MIA3: variants seen among roughly 807,000 people sequenced by gnomAD.
MIA3 encodes transport and Golgi organization protein 1 homolog.
In MIA3, 90 loss-of-function variants were observed where a neutral mutation model predicts 192.4. The observed-to-expected ratio is 0.47, with a 90% CI of 0.39 to 0.56. The LOEUF is 0.56. MIA3 is among the 20% of genes least tolerant of loss of function. The pLI is 0.00. For missense variants in MIA3, 2,123 were observed against 2,269.4 expected (o/e 0.94, Z 1.31); for synonymous variants, 740 against 792.8 (o/e 0.93, Z 1.12).
chr1:222,621,337 C>T, intron 2 of MIA3, 45 bp downstream of exon 2: 5 of 1,568,746 alleles, frequency 3.2e-6, no homozygotes, highest in South Asian at 1.2e-5. Context: ...TTTTTATTGG[C>T]TTCTTTAGCA....
rs142663900 is a variant in MIA3 at position 222,638,527 on chromosome 1, A to AACACAC, written c.3477+5296_3477+5301dup. On this transcript the variant is annotated intron_variant, in intron 6 of 27. Coordinates refer to ENST00000344922, the MANE Select transcript of MIA3 (RefSeq NM_198551.4). ...ACATGGTGAAATCCTGTTTCTACAA[A>AACACAC]ACACACACACACACACACACACAGC... Among the ~76,000 whole-genome samples the AACACAC allele has an allele frequency of 1.6e-3, 231 of 148,912 alleles. 1 individual carries two copies. The highest frequency in any genetic ancestry group is 4.4e-3 in the African/African-American group (177 of 40,670).
In MIA3 at chr1:222,627,725, C is replaced by G; in HGVS notation, c.505C>G (p.Pro169Ala). The change falls in exon 4 of 28, where the codon CCT becomes GCT. Residue 169 changes from proline to alanine, a missense_variant. Physicochemically the swap from Pro to Ala is conservative, Grantham distance 27 (BLOSUM62 -1). Around this residue, in one of 3 missense-constraint regions of MIA3, gnomAD observed 1,357 missense variants for 1,396.1 expected, o/e 0.97. Coordinates refer to ENST00000344922, the MANE Select transcript of MIA3 (RefSeq NM_198551.4). ...EKTLQDMEKN[P>A]ELSKEREPEP... is the part of the protein sequence containing the mutation. The stretch of plus-strand genomic sequence containing the variant: ...AACTTTACAGGATATGGAAAAAAAC[C>G]CTGAATTATCTAAGGAAAGGGAACC... 1 of 1,613,140 alleles carries G rather than the reference C, an allele frequency of 6.2e-7. No homozygotes were observed. The highest frequency in any genetic ancestry group is 1.1e-5 in the South Asian group (1 of 90,830).
In MIA3 at chr1:222,666,121, C is replaced by T. The variant is rs1664272851; in HGVS notation, c.*502C>T. The T allele has an allele frequency of 1.3e-5, 2 of 152,162 alleles. No individual in the cohort carries two copies. The highest frequency in any genetic ancestry group is 3.9e-4 in the East Asian group (2 of 5,190). 9.4% of individuals were successfully genotyped at this position (152,162 alleles called of 1,614,324 possible). A position where few individuals can be genotyped will look rare whatever the true frequency, so the allele number is the denominator to read the frequency against. ...TTGCTGAAGTTCTTTGTAGTAATAG[C>T]TCATAAAAATTTGTTTATTAATATT... On this transcript the variant is annotated 3_prime_UTR_variant, in exon 28 of 28. Coordinates refer to ENST00000344922, the MANE Select transcript of MIA3 (RefSeq NM_198551.4).
chr1:222,629,751 T>G lies in MIA3; in HGVS notation c.2531T>G (p.Val844Gly). The part of the protein sequence containing the change: ...IKIQTPELGE[V>G]FQNKDSDYLK... Reference sequence around the variant, plus strand: ...ATTCAGACTCCAGAATTAGGTGAAGTGTTTCAGAATAAAGATTCTGATTAT... The same window carrying G: ...ATTCAGACTCCAGAATTAGGTGAAGGGTTTCAGAATAAAGATTCTGATTAT... Residue 844 changes from valine (V) to glycine (G), a missense_variant, in exon 4 of 28, where the codon GTG becomes GGG. Physicochemically the swap from Val to Gly is moderately radical, Grantham distance 109 (BLOSUM62 -3). Around this residue, in one of 3 missense-constraint regions of MIA3, gnomAD observed 1,357 missense variants for 1,396.1 expected, o/e 0.97. Coordinates refer to ENST00000344922, the MANE Select transcript of MIA3 (RefSeq NM_198551.4). 6.2e-7 allele frequency: 1 copy of G among 1,614,162 alleles called. No individual in the cohort carries two copies. Among genetic ancestry groups the G allele is most frequent in the African/African-American group, 1.3e-5 (1 of 75,026 alleles).
At position 222,628,474 on chromosome 1, in the gene MIA3, A is replaced by C. The variant is rs1662227149; in HGVS notation, c.1254A>C (p.Ala418=). The part of the protein sequence containing the change: ...SEEEKEDDDD[A]LVPDSKQGKP... ...AAGAAAAAGAAGATGATGATGATGC[A>C]TTAGTCCCAGATAGCAAACAGGGGA... The change falls in exon 4 of 28, where the codon GCA becomes GCC. Residue 418 remains alanine, a synonymous_variant. Coordinates refer to ENST00000344922, the MANE Select transcript of MIA3 (RefSeq NM_198551.4). The C allele has an allele frequency of 6.2e-7, 1 of 1,613,250 alleles. No individual in the cohort carries two copies. Among genetic ancestry groups the C allele is most frequent in the Non-Finnish European group, 8.5e-7 (1 of 1,179,784 alleles).
At chr1:222,623,998 C>T (rs1661994925) in intron 2 of MIA3, among the ~76,000 whole-genome samples, 1 of 152,196 alleles carries the variant, frequency 6.6e-6, no homozygotes, top group South Asian at 2.1e-4. Context: ...AAATACAGTT[C>T]ATCCTTGGGC....
rs757827693 is a variant in MIA3, at chr1:222,630,116, A to G, written c.2896A>G (p.Ser966Gly). 13 of 1,614,202 alleles carry G rather than the reference A, an allele frequency of 8.1e-6. No individual in the cohort carries two copies. The highest frequency in any genetic ancestry group is 1.1e-5 in the Non-Finnish European group (13 of 1,180,030). Residue 966 changes from serine (S) to glycine (G), a missense_variant, in exon 4 of 28, where the codon AGC becomes GGC. By Grantham distance (56) the Ser-to-Gly change is moderately conservative. Coordinates refer to ENST00000344922, the MANE Select transcript of MIA3 (RefSeq NM_198551.4). Reference protein sequence around the residue: ...SSKLKSAQQESLPYNMEKVLD... With the variant: ...SSKLKSAQQEGLPYNMEKVLD... ...AAAACTGAAGTCAGCGCAGCAGGAG[A>G]GCCTGCCCTATAATATGGAAAAAGT...
At chr1:222,618,580 G>T (rs1198079199) in intron 1 of MIA3, among the ~76,000 whole-genome samples, 1 of 152,116 alleles carries the variant, frequency 6.6e-6, no homozygotes, top group East Asian at 1.9e-4. Flanking sequence ...GGCTCACAGC[G>T]TCCCCTTCCC....
chr1:222,660,678 G>T, intron 24 of MIA3: 1 of 179,618 alleles, frequency 5.6e-6, no homozygotes, highest in Admixed American at 6.0e-5. Flanking sequence ...AATATTTTGG[G>T]AAATTTTTTG....
At chr1:222,639,993 T>C (rs1662782757) in intron 6 of MIA3, among the ~76,000 whole-genome samples, 1 of 152,124 alleles carries the variant, frequency 6.6e-6, no homozygotes, top group Non-Finnish European at 1.5e-5. Flanking sequence ...AAATCTAGTT[T>C]AGTAAGGTTG....
At chr1:222,643,268 T>A (rs1356773377) in intron 6 of MIA3, among the ~76,000 whole-genome samples, 1 of 152,248 alleles carries the variant, frequency 6.6e-6, no homozygotes, top group East Asian at 1.9e-4. Context: ...TATCTAGATA[T>A]GTAATACCAC....
rs1242490454 is a variant in MIA3 at position 222,628,367 on chromosome 1, T to TG, written c.1153dup (p.Asp385GlyfsTer11). 1 of 1,613,828 alleles carries TG rather than the reference T, an allele frequency of 6.2e-7. No homozygotes were observed. Among genetic ancestry groups the TG allele is most frequent in the Non-Finnish European group, 8.5e-7 (1 of 1,179,924 alleles). On this transcript the variant is annotated frameshift_variant, in exon 4 of 28. Transcript: ENST00000344922. LOFTEE classifies it high-confidence loss of function. ...TGATGATAAAAATATACTAACAACC[T>TG]GGGGGGACACTATCTTCTCTATTGT...
intron 17 of MIA3, 32 bp downstream of exon 17, chr1:222,654,511 T>C (rs1663604466): frequency 1.9e-6 from 3 of 1,575,078 alleles, no homozygotes; most frequent in South Asian, 1.1e-5. Flanking sequence ...AATTGCTATA[T>C]ATTGGAAAGA....
chr1:222,651,703 C>G (rs1473026131), intron 11 of MIA3, among the ~76,000 whole-genome samples: 1 of 150,304 alleles, frequency 6.7e-6, no homozygotes, highest in African/African-American at 2.4e-5. Flanking sequence ...TTTTCAGTTT[C>G]TTTTCTTTCA....
intron 6 of MIA3, chr1:222,644,158 C>A: frequency 1.9e-6 from 1 of 526,956 alleles, no homozygotes; most frequent in Non-Finnish European, 2.8e-6. Context: ...CAGTCACTTC[C>A]GCCTCTTTTT....
chr1:222,651,659 G>C (rs1663440965), intron 11 of MIA3, among the ~76,000 whole-genome samples: 1 of 145,414 alleles, frequency 6.9e-6, no homozygotes, highest in South Asian at 2.2e-4. Context: ...AAAAAAAAAA[G>C]TCACATTGAT....
intron 7 of MIA3, among the ~76,000 whole-genome samples, chr1:222,648,495 A>G (rs564888561): frequency 1.5e-3 from 227 of 152,278 alleles, no homozygotes; most frequent in Non-Finnish European, 3.0e-3. Context: ...ACGTTAATAT[A>G]TTTATTACAA....
chr1:222,642,101 A>G (rs2124878896), intron 6 of MIA3, among the ~76,000 whole-genome samples: 1 of 152,342 alleles, frequency 6.6e-6, no homozygotes, highest in Non-Finnish European at 1.5e-5. Flanking sequence ...CTAATGTATT[A>G]TGACAGACAT....
In MIA3 at chr1:222,656,532, T is replaced by C. The variant is rs537853438; in HGVS notation, c.4607+1739T>C. 3.3e-5 allele frequency among the ~76,000 whole-genome samples: 5 copies of C among 152,306 alleles called. No homozygotes were observed. In the East Asian group the frequency reaches 9.7e-4, roughly 29 times the overall value. The stretch of plus-strand genomic sequence containing the variant: ...CTTTCGTCATTTTCTTTTTGGTTTT[T>C]CAGCAGTTTTCTTGGGAGGTGCCTA... On this transcript the variant is annotated intron_variant, in intron 18 of 27. Coordinates refer to ENST00000344922, the MANE Select transcript of MIA3 (RefSeq NM_198551.4).
Sources: allele counts gnomAD v4.1 joint callset (sites outside exome capture counted in the v4.1 genomes callset), GRCh38; gene constraint gnomAD v4.1.1; regional missense constraint gnomAD v4.1.1; transcripts MANE v1.5; gene names NCBI Gene and HGNC (gene_info 2026-07-23, HGNC 2026-07-21).